The following NTNG1 variants were observed in gnomAD, a reference collection of about 807,000 sequenced individuals.
The protein encoded by NTNG1 is netrin-G1.
Under a neutral mutation model 54.0 loss-of-function variants are expected in NTNG1, and 16 were observed. The ratio of observed to expected loss-of-function variants is 0.30; its 90% CI spans 0.20 to 0.45. The LOEUF (loss-of-function observed/expected upper bound fraction) is 0.45. Ranked by LOEUF, NTNG1 falls within the 20% of genes least tolerant of loss-of-function variation. The pLI is 1.00. For synonymous variants in NTNG1, 255 were observed against 263.1 expected (o/e 0.97, Z 0.30); for missense variants, 530 against 678.7 (o/e 0.78, Z 2.43).
At chr1:107,190,039 T>A (rs55841710) in intron 2 of NTNG1, among the ~76,000 whole-genome samples, 7,838 of 152,172 alleles carry the variant, frequency 0.052, 221 homozygotes, top group African/African-American at 0.076. Context: ...TGAAGATATT[T>A]TAAGTAAAAT....
intron 2 of NTNG1, among the ~76,000 whole-genome samples, chr1:107,244,305 C>G (rs1417182132): frequency 6.6e-6 from 1 of 152,140 alleles, no homozygotes; most frequent in Admixed American, 6.5e-5. Flanking sequence ...TTCTCTTATG[C>G]TGCCTGTAAC....
At chr1:107,448,832 G>A (rs1218127420) in intron 7 of NTNG1, among the ~76,000 whole-genome samples, 3 of 151,922 alleles carry the variant, frequency 2.0e-5, no homozygotes, top group Non-Finnish European at 2.9e-5. Context: ...ACTTAAACAA[G>A]TAGCCTATTT....
intron 7 of NTNG1, among the ~76,000 whole-genome samples, chr1:107,450,523 C>A (rs757236423): frequency 1.1e-4 from 17 of 151,930 alleles, no homozygotes; most frequent in Admixed American, 1.3e-4. Flanking sequence ...TTTAAGAAAT[C>A]AATTTACAAA....
intron 4 of NTNG1, among the ~76,000 whole-genome samples, chr1:107,402,334 A>G (rs2101120206): frequency 6.6e-6 from 1 of 152,258 alleles, no homozygotes; most frequent in East Asian, 1.9e-4. Flanking sequence ...CCAACAGGAC[A>G]CTGAAGGTCT....
intron 2 of NTNG1, among the ~76,000 whole-genome samples, chr1:107,236,609 A>G (rs1397485953): frequency 6.6e-6 from 1 of 152,212 alleles, no homozygotes; most frequent in African/African-American, 2.4e-5. Context: ...GTCCCCACCC[A>G]GATCTCATCT....
intron 2 of NTNG1, among the ~76,000 whole-genome samples, chr1:107,321,882 C>T (rs1347431391): frequency 2.0e-5 from 3 of 152,054 alleles, no homozygotes; most frequent in Admixed American, 1.3e-4. Context: ...GTAAGAGGCA[C>T]CAGTCTCATC....
At chr1:107,383,568 C>A (rs961519578) in intron 3 of NTNG1, among the ~76,000 whole-genome samples, 8 of 152,186 alleles carry the variant, frequency 5.3e-5, no homozygotes, top group African/African-American at 1.7e-4. Flanking sequence ...GAATACATCA[C>A]AAATCTTTAT....
At chr1:107,194,104 A>C (rs1202578277) in intron 2 of NTNG1, among the ~76,000 whole-genome samples, 2 of 151,900 alleles carry the variant, frequency 1.3e-5, no homozygotes, top group Non-Finnish European at 2.9e-5. Context: ...CTTTGCATGC[A>C]CTTCCACCTT....
intron 2 of NTNG1, among the ~76,000 whole-genome samples, chr1:107,303,444 T>A (rs1570629050): frequency 6.6e-6 from 1 of 152,178 alleles, no homozygotes; most frequent in African/African-American, 2.4e-5. Context: ...AGTTTTTTTT[T>A]AATAGGAATC....
intron 2 of NTNG1, among the ~76,000 whole-genome samples, chr1:107,316,098 C>A (rs1277767925): frequency 2.6e-5 from 4 of 152,122 alleles, no homozygotes; most frequent in African/African-American, 4.8e-5. Context: ...TGTGCCTGTA[C>A]TCAGAACCAA....
intron 3 of NTNG1, among the ~76,000 whole-genome samples, chr1:107,348,719 T>G (rs2101950943): frequency 6.6e-6 from 1 of 152,312 alleles, no homozygotes; most frequent in East Asian, 1.9e-4. Flanking sequence ...CATATCCAAG[T>G]TGAACCCTGC....
intron 5 of NTNG1, chr1:107,408,744 A>G (rs1673605291): frequency 6.6e-6 from 1 of 151,998 alleles, no homozygotes; most frequent in African/African-American, 2.4e-5. Flanking sequence ...AGCGGAGAGA[A>G]TTTTCACTGT....
chr1:107,170,205 A>C (rs1656116946), intron 2 of NTNG1, among the ~76,000 whole-genome samples: 1 of 152,188 alleles, frequency 6.6e-6, no homozygotes, highest in South Asian at 2.1e-4. Context: ...TACTAAGAAA[A>C]TTATTTTTAA....
At chr1:107,377,237 A>G (rs1671342249) in intron 3 of NTNG1, among the ~76,000 whole-genome samples, 1 of 152,200 alleles carries the variant, frequency 6.6e-6, no homozygotes, top group Admixed American at 6.5e-5. Context: ...TTAAGGCCTC[A>G]CATTGAACCT....
At chr1:107,290,984 T>TAC (rs1553218725) in intron 2 of NTNG1, among the ~76,000 whole-genome samples, 1,727 of 139,976 alleles carry the variant, frequency 0.012, 15 homozygotes, top group South Asian at 0.016. Flanking sequence ...TATATATATA[T>TAC]ACACACACAC....
chr1:107,280,196 A>G (rs966946276), intron 2 of NTNG1, among the ~76,000 whole-genome samples: 1 of 45,336 alleles, frequency 2.2e-5, no homozygotes, highest in African/African-American at 9.4e-5. Context: ...TGGTTATTCT[A>G]TAGGGCCTCT....
intron 2 of NTNG1, among the ~76,000 whole-genome samples, chr1:107,246,535 T>C (rs1477928728): frequency 6.6e-6 from 1 of 152,104 alleles, no homozygotes; most frequent in East Asian, 1.9e-4. Flanking sequence ...TCAATTGATG[T>C]AGTAGTCATA....
chr1:107,298,325 G>T (rs1306923298), intron 2 of NTNG1, among the ~76,000 whole-genome samples: 1 of 152,082 alleles, frequency 6.6e-6, no homozygotes, highest in Admixed American at 6.6e-5. Flanking sequence ...ACTTTACTTC[G>T]ACAGGAGTAA....
Position 107,480,699 on chromosome 1 carries a change from G to T in NTNG1, c.1479G>T (p.Thr493=). Residue 493 remains threonine (T), a synonymous_variant, in exon 8 of 8, where the codon ACG becomes ACT. Coordinates refer to ENST00000370068, the MANE Select transcript of NTNG1 (RefSeq NM_001113226.3). ...NVRCLCPAAY[T]GILCEKLRCE... ...GCTGCCTGTGCCCGGCCGCATACACGGGCATCCTCTGCGAGAAGCTGCGGT... is the reference window on the plus strand; with the variant it reads ...GCTGCCTGTGCCCGGCCGCATACACTGGCATCCTCTGCGAGAAGCTGCGGT... The T allele has an allele frequency of 1.9e-6, 3 of 1,610,884 alleles. No homozygotes were observed. The highest frequency in any genetic ancestry group is 2.5e-6 in the Non-Finnish European group (3 of 1,179,400).
Sources: gnomAD v4.1 joint callset for allele counts (sites outside exome capture counted in the v4.1 genomes callset) on GRCh38, gnomAD v4.1.1 for gene constraint, MANE v1.5 for transcripts, NCBI Gene and HGNC (gene_info 2026-07-23, HGNC 2026-07-21) for gene names.